Variants in RAD54L observed in about 807,000 individuals in gnomAD.
The protein encoded by RAD54L is DNA repair and recombination protein RAD54-like.
In RAD54L, 74 loss-of-function variants were observed where a neutral mutation model predicts 91.6. The ratio of observed to expected loss-of-function variants is 0.81; its 90% CI spans 0.67 to 0.98. The LOEUF (loss-of-function observed/expected upper bound fraction) is 0.98, where lower values mean the gene tolerates loss of function less well. RAD54L is among the 50% of genes least tolerant of loss of function. RAD54L has a pLI of 0.00. For synonymous variants in RAD54L, 304 were observed against 349.7 expected, an observed-to-expected ratio of 0.87 and a Z score of 1.46; for missense variants, 887 against 945.7, an observed-to-expected ratio of 0.94 and a Z score of 0.81.
At chr1:46,250,921 A>G (rs1342594705) in intron 3 of RAD54L, among the ~76,000 whole-genome samples, 1 of 151,688 alleles carries the variant, frequency 6.6e-6, no homozygotes, top group Non-Finnish European at 1.5e-5. Flanking sequence ...CAGTGAGTCA[A>G]GATCACGCCA....
chr1:46,254,602 T>C (rs1285012329), intron 3 of RAD54L, among the ~76,000 whole-genome samples: 2 of 151,304 alleles, frequency 1.3e-5, no homozygotes, highest in Non-Finnish European at 2.9e-5. Flanking sequence ...TTTTTTTTTT[T>C]TCCTGAGACA....
At chr1:46,272,213 T>A (rs1421463210) in intron 10 of RAD54L, among the ~76,000 whole-genome samples, 6 of 151,808 alleles carry the variant, frequency 4.0e-5, no homozygotes. Context: ...TGGCTAATTT[T>A]CGTATTTTTA....
rs1660083986 is a variant in RAD54L at position 46,260,622 on chromosome 1, G to A, written c.477+11G>A. 6.2e-7 allele frequency: 1 copy of A among 1,613,972 alleles called. No individual in the cohort carries two copies. The highest frequency in any genetic ancestry group is 8.5e-7 in the Non-Finnish European group (1 of 1,179,846). On this transcript the variant is annotated intron_variant, in intron 6 of 17. Transcript: ENST00000371975. ...CCTCATCAGAGAGAGGTAAATGAGG[G>A]TGAGGGGAACGAGGTATGGGCTATG...
At chr1:46,258,631 T>A in intron 3 of RAD54L, 55 bp from the exon 4 acceptor site, 1 of 1,294,962 alleles carries the variant, frequency 7.7e-7, no homozygotes, top group Non-Finnish European at 1.1e-6. Context: ...TATCATGATA[T>A]TGTCCCATAA....
In RAD54L at chr1:46,274,576, GGGCTGT is replaced by G. The variant is rs779258597; in HGVS notation, c.1732_1737del (p.Cys578_Gly579del). 1 of 1,613,342 alleles carries G rather than the reference GGGCTGT, an allele frequency of 6.2e-7. No individual in the cohort carries two copies. On this transcript the variant is annotated inframe_deletion, in exon 16 of 18. Coordinates refer to ENST00000371975, the MANE Select transcript of RAD54L (RefSeq NM_003579.4). Reference sequence around the variant, plus strand: ...TCTTCATGCTGAGCAGCAAAGCTGGGGGCTGTGGCCTCAATCTCATTGGGGCTAACC... The same window carrying G: ...TCTTCATGCTGAGCAGCAAAGCTGGGGGCCTCAATCTCATTGGGGCTAACC...
chr1:46,275,807 G>A (rs180767892), intron 16 of RAD54L, among the ~76,000 whole-genome samples: 81 of 151,502 alleles, frequency 5.3e-4, no homozygotes, highest in Non-Finnish European at 3.2e-4. Flanking sequence ...TTTCCTCTTC[G>A]TGTATCTCAC....
rs1308195120 is a variant in RAD54L, at chr1:46,261,201, TTTG to T, written c.767-57_767-55del. On this transcript the variant is annotated intron_variant, in intron 7 of 17. Transcript: ENST00000371975. ...ATTAAAGAACTGTCTAATTGTTTTT[TTTG>T]TTTTTTTTTTTTTCAAAAGATTCTG... is the stretch of plus-strand genomic sequence containing the variant. 1.4e-5 allele frequency: 23 copies of T among 1,600,280 alleles called. No homozygotes were observed. In the African/African-American group the frequency reaches 2.6e-4, roughly 18 times the overall value.
intron 2 of RAD54L, 28 bp from the exon 3 acceptor site, chr1:46,249,972 C>T (rs951767782): frequency 8.1e-6 from 13 of 1,612,568 alleles, no homozygotes; most frequent in South Asian, 1.1e-5. Context: ...GTCTTCTAGA[C>T]TTCACCTTTC....
intron 3 of RAD54L, among the ~76,000 whole-genome samples, chr1:46,256,493 C>T (rs923147200): frequency 3.9e-5 from 6 of 152,040 alleles, no homozygotes; most frequent in African/African-American, 9.7e-5. Context: ...ATAATCCCAG[C>T]ACTTTGGGAG....
Position 46,274,308 on chromosome 1 carries a change from T to A in RAD54L, c.1689+92T>A. ...GCTATAAGGGGTTACCTTGATTTTT[T>A]TTTTTTTTAATTCCCCTAGTGGATA... On this transcript the variant is annotated intron_variant, in intron 15 of 17. Coordinates refer to ENST00000371975, the MANE Select transcript of RAD54L (RefSeq NM_003579.4). 2.8e-6 allele frequency: 4 copies of A among 1,434,194 alleles called. No individual in the cohort carries two copies. The East Asian group carries it at 6.9e-5, about 25-fold the overall frequency. The allele number at this position is 1,434,194 out of a possible 1,614,324, so 88.8% of individuals were successfully genotyped here.
rs772255960 is a variant in RAD54L, at chr1:46,267,443, A to G, written c.892-16A>G. 4 of 1,613,606 alleles carry G rather than the reference A, an allele frequency of 2.5e-6. No individual in the cohort carries two copies. The African/African-American group carries it at 5.3e-5, about 22-fold the overall frequency. ...GGGAATGCCACATTGCGCTCTGAAT[A>G]AGGATTCTCTTGCAGGGACACAGGC... On this transcript the variant is annotated splice_polypyrimidine_tract_variant and intron_variant, in intron 8 of 17. Transcript: ENST00000371975.
At chr1:46,252,719 G>A (rs1181567051) in intron 3 of RAD54L, among the ~76,000 whole-genome samples, 2 of 152,080 alleles carry the variant, frequency 1.3e-5, no homozygotes, top group Admixed American at 1.3e-4. Flanking sequence ...TTATACAAGA[G>A]CTATTCTCTT....
rs181459154 is a variant in RAD54L at position 46,278,119 on chromosome 1, C to T, written c.2081C>T (p.Pro694Leu). 30 of 1,613,864 alleles carry T rather than the reference C, an allele frequency of 1.9e-5. No individual in the cohort carries two copies. The East Asian group carries it at 4.7e-4, about 25-fold the overall frequency. ...AACAGCCGTCAGATCCGGCCACCCC[C>T]TGATGGTTCTGACTGCACTTCAGAC... ...CVNSRQIRPPPDGSDCTSDLA... is the reference protein window; with the variant it reads ...CVNSRQIRPPLDGSDCTSDLA... The change falls in exon 18 of 18, where the codon CCT (proline) becomes CTT (leucine). Residue 694 changes from proline (P) to leucine (L), a missense_variant. Pro to Leu is a moderately conservative substitution (Grantham distance 98). Transcript: ENST00000371975.
chr1:46,251,622 G>A (rs1298728346), intron 3 of RAD54L, among the ~76,000 whole-genome samples: 1 of 152,082 alleles, frequency 6.6e-6, no homozygotes, highest in Non-Finnish European at 1.5e-5. Context: ...AAAAAATGGT[G>A]TTGGGTGGGC....
chr1:46,270,321 A>G (rs1167326981), intron 9 of RAD54L, among the ~76,000 whole-genome samples: 1 of 151,432 alleles, frequency 6.6e-6, no homozygotes, highest in African/African-American at 2.4e-5. Context: ...GTGAGCCGAG[A>G]TTGCACTCCA....
Position 46,248,517 on chromosome 1 carries a change from G to A in RAD54L, c.9G>A (p.Arg3=), listed in dbSNP as rs772321829. Residue 3 remains arginine, a synonymous_variant, in exon 2 of 18, where the codon AGG becomes AGA. Transcript: ENST00000371975. MR[R]SLAPSQLAKR... Reference sequence around the variant, plus strand: ...TTTCTGTTCTCCCTTTACAGAGGAGGAGCTTGGCTCCCAGCCAGCTGGCCA... The same window carrying A: ...TTTCTGTTCTCCCTTTACAGAGGAGAAGCTTGGCTCCCAGCCAGCTGGCCA... 5.0e-6 allele frequency: 8 copies of A among 1,614,042 alleles called. No homozygotes were observed. The Admixed American group carries it at 1.2e-4, about 24-fold the overall frequency.
At position 46,274,659 on chromosome 1, in the gene RAD54L, T is replaced by A. The variant is rs145755477; in HGVS notation, c.1811T>A (p.Met604Lys). The part of the protein sequence containing the change: ...DWNPANDEQA[M>K]ARVWRDGQKK... ...AACCCAGCCAATGATGAACAAGCCA[T>A]GGCCCGGGTCTGGCGAGATGGTCAA... Residue 604 changes from methionine (M) to lysine (K), a missense_variant, in exon 16 of 18, where the codon ATG becomes AAG. By Grantham distance (95) the Met-to-Lys change is moderately conservative. Coordinates refer to ENST00000371975, the MANE Select transcript of RAD54L (RefSeq NM_003579.4). 3 of 1,614,140 alleles carry A rather than the reference T, an allele frequency of 1.9e-6. No homozygotes were observed. Among genetic ancestry groups the A allele is most frequent in the Non-Finnish European group, 2.5e-6 (3 of 1,180,028 alleles).
rs375795745 is a variant in RAD54L, at chr1:46,250,448, A to G, written c.210+329A>G. ...TGTACCAGAGTCATGTATTTCCTCT[A>G]GTAAAGTCAAACTTAATCACCACCA... is the stretch of plus-strand genomic sequence containing the variant. On this transcript the variant is annotated intron_variant, in intron 3 of 17. Coordinates refer to ENST00000371975, the MANE Select transcript of RAD54L (RefSeq NM_003579.4). Among the ~76,000 whole-genome samples, 16 of 152,314 alleles carry G rather than the reference A, an allele frequency of 1.1e-4. No individual in the cohort carries two copies. The East Asian group carries it at 2.1e-3, about 20-fold the overall frequency.
intron 16 of RAD54L, 104 bp downstream of exon 16, chr1:46,274,821 G>A (rs1490169522): frequency 8.7e-6 from 12 of 1,384,882 alleles, no homozygotes; most frequent in Non-Finnish European, 1.2e-5. Flanking sequence ...GCCTCTAGCA[G>A]TAGCCAAGCT....
Sources: allele counts gnomAD v4.1 joint callset (sites outside exome capture counted in the v4.1 genomes callset), GRCh38; gene constraint gnomAD v4.1.1; transcripts MANE v1.5; gene names NCBI Gene and HGNC (gene_info 2026-07-23, HGNC 2026-07-21).